Variants in ABL2 observed in about 807,000 individuals in gnomAD.
ABL2 encodes tyrosine-protein kinase ABL2.
Under a neutral mutation model 107.7 loss-of-function variants are expected in ABL2, and 49 were observed. The ratio of observed to expected loss-of-function variants is 0.45; its 90% CI spans 0.36 to 0.58. The LOEUF (loss-of-function observed/expected upper bound fraction) is 0.58, where lower values mean the gene tolerates loss of function less well. Among genes scored for constraint, ABL2 ranks in the 20% least tolerant of loss-of-function variants. The pLI is 0.00. For missense variants in ABL2, 1,245 were observed against 1,457.0 expected (o/e 0.85, Z 2.37); for synonymous variants, 549 against 548.6 (o/e 1.00, Z -0.01).
In ABL2 at chr1:179,130,432, T is replaced by A. The variant is rs116036635; in HGVS notation, c.391+879A>T. Reference sequence around the variant, plus strand: ...CACACTATTTATTACTTAGTTCAGCTAATAGTTTTACCTTTTGGAGCAAGG... The same window carrying A: ...CACACTATTTATTACTTAGTTCAGCAAATAGTTTTACCTTTTGGAGCAAGG... On this transcript the variant is annotated intron_variant, in intron 3 of 11. Transcript: ENST00000502732. Among the ~76,000 whole-genome samples, 336 of 152,356 alleles carry A rather than the reference T, an allele frequency of 2.2e-3. 3 individuals carry two copies. The highest frequency in any genetic ancestry group is 7.5e-3 in the African/African-American group (310 of 41,580).
In ABL2 at chr1:179,108,220, G is replaced by A. The variant is rs1438493053; in HGVS notation, c.3047C>T (p.Ser1016Leu). ...CTTCTTTCCTCCTTCCTGTGTTTCT[G>A]ATGTGGACTGTCCTGCAGTTAGGGC... is the stretch of plus-strand genomic sequence containing the variant. ...PTALTAGQSTSETQEGGKKAA... is the reference protein window; with the variant it reads ...PTALTAGQSTLETQEGGKKAA... Residue 1016 changes from serine to leucine, a missense_variant, in exon 12 of 12, where the codon TCA (serine) becomes TTA (leucine). Ser to Leu is a moderately radical substitution (Grantham distance 145, BLOSUM62 -2). This residue lies in a region of ABL2 where 761 missense variants were observed against 766.4 expected (regional missense o/e 0.99). Transcript: ENST00000502732. 9 of 1,614,124 alleles carry A rather than the reference G, an allele frequency of 5.6e-6. No individual in the cohort carries two copies. The highest frequency in any genetic ancestry group is 7.6e-6 in the Non-Finnish European group (9 of 1,180,038).
chr1:179,217,625 C>CA (rs544339454), intron 1 of ABL2, among the ~76,000 whole-genome samples: 9,114 of 101,980 alleles, frequency 0.089, 361 homozygotes, highest in Non-Finnish European at 0.11. Context: ...GACTCCACCT[C>CA]AAAAAAAAAA....
In ABL2 at chr1:179,126,347, T is replaced by G; in HGVS notation, c.687+30A>C. ...ATTATTTCACAGAGTAGCCAGTCCA[T>G]GCTTAAAGGTGGTGACCAGGGAGTC... is the stretch of plus-strand genomic sequence containing the variant. On this transcript the variant is annotated intron_variant, in intron 4 of 11. Transcript: ENST00000502732. The surrounding 1 kb of genome is among the most constrained non-coding windows in gnomAD (Gnocchi z 4.4). 6.3e-7 allele frequency: 1 copy of G among 1,597,136 alleles called. No individual in the cohort carries two copies.
At chr1:179,198,336 T>C (rs1263376835) in intron 1 of ABL2, among the ~76,000 whole-genome samples, 1 of 152,114 alleles carries the variant, frequency 6.6e-6, no homozygotes, top group Non-Finnish European at 1.5e-5. Flanking sequence ...GAGAGTTGTT[T>C]GTGCTATTCT....
chr1:179,199,792 C>T (rs1346104115), intron 1 of ABL2, among the ~76,000 whole-genome samples: 6 of 138,702 alleles, frequency 4.3e-5, no homozygotes, highest in Non-Finnish European at 4.6e-5. Context: ...AGTGCAGTGG[C>T]AATAATCATG....
intron 1 of ABL2, among the ~76,000 whole-genome samples, chr1:179,174,727 A>T (rs1659934267): frequency 6.6e-6 from 1 of 151,262 alleles, no homozygotes; most frequent in Non-Finnish European, 1.5e-5. Flanking sequence ...TGGGCTGATC[A>T]CTTGAGGTCA....
intron 1 of ABL2, chr1:179,143,160 C>A (rs1196545735): frequency 3.1e-6 from 4 of 1,300,878 alleles, no homozygotes; most frequent in Middle Eastern, 2.1e-4. Context: ...TACTCAGTGG[C>A]CAGAGGGAAC....
Position 179,229,632 on chromosome 1 carries a change from A to ACGCCGCCGCCGCCGCCCCCAACGCCGC in ABL2, c.-236_-235insGCGGCGTTGGGGGCGGCGGCGGCGGCG. 2.2e-6 allele frequency: 1 copy of ACGCCGCCGCCGCCGCCCCCAACGCCGC among 451,262 alleles called. No individual in the cohort carries two copies. 28.0% of individuals were successfully genotyped at this position (451,262 alleles called of 1,614,324 possible). On this transcript the variant is annotated 5_prime_UTR_variant, in exon 1 of 12. Transcript: ENST00000502732. Reference sequence around the variant, plus strand: ...CTCCTGTCGCGGCTCCGCGCCCCCAACGCCGCCGCCGCCGCCGCCGCCACC... The same window carrying ACGCCGCCGCCGCCGCCCCCAACGCCGC: ...CTCCTGTCGCGGCTCCGCGCCCCCAACGCCGCCGCCGCCGCCCCCAACGCCGCCGCCGCCGCCGCCGCCGCCGCCACC...
chr1:179,111,791 C>T (rs1352271224), intron 10 of ABL2, among the ~76,000 whole-genome samples: 1 of 152,172 alleles, frequency 6.6e-6, no homozygotes, highest in African/African-American at 2.4e-5. Context: ...CACATGTAAT[C>T]CCAGCACTTT....
intron 4 of ABL2, among the ~76,000 whole-genome samples, chr1:179,125,067 T>C (rs1395826255): frequency 6.6e-6 from 1 of 152,170 alleles, no homozygotes; most frequent in Non-Finnish European, 1.5e-5. Flanking sequence ...CTAACACTCA[T>C]CTAGAGTAGG....
At chr1:179,114,363 ACG>A (rs1654411485) in intron 9 of ABL2, among the ~76,000 whole-genome samples, 3 of 19,948 alleles carry the variant, frequency 1.5e-4, no homozygotes, top group African/African-American at 5.6e-4. Flanking sequence ...AGCCGAAATC[ACG>A]TCACTGAGCC....
intron 1 of ABL2, among the ~76,000 whole-genome samples, chr1:179,173,883 T>C (rs1479571863): frequency 6.6e-6 from 1 of 152,154 alleles, no homozygotes; most frequent in Non-Finnish European, 1.5e-5. Flanking sequence ...GAACACTGAC[T>C]GGATGTGACT....
rs1473663602 is a variant in ABL2, at chr1:179,108,342, G to C, written c.2925C>G (p.Pro975=). 1 of 1,614,234 alleles carries C rather than the reference G, an allele frequency of 6.2e-7. No individual in the cohort carries two copies. The highest frequency in any genetic ancestry group is 1.7e-5 in the Admixed American group (1 of 60,024). The stretch of plus-strand genomic sequence containing the variant: ...GGGCACACTTTGGTTTTACCCGTCG[G>C]GGTCGGTCCTTGTCTCCAGAGGATG... ...QVTSSGDKDR[P]RRVKPKCAPP... The change falls in exon 12 of 12, where the codon CCC becomes CCG. Residue 975 remains proline (P), a synonymous_variant. Coordinates refer to ENST00000502732, the MANE Select transcript of ABL2 (RefSeq NM_007314.4).
At chr1:179,199,085 C>T (rs967957058) in intron 1 of ABL2, among the ~76,000 whole-genome samples, 2 of 152,018 alleles carry the variant, frequency 1.3e-5, no homozygotes, top group African/African-American at 4.8e-5. Flanking sequence ...TCAGGTGATC[C>T]ACCCGCCTCG....
intron 1 of ABL2, among the ~76,000 whole-genome samples, chr1:179,155,890 T>C (rs1335588411): frequency 6.6e-6 from 1 of 152,080 alleles, no homozygotes; most frequent in African/African-American, 2.4e-5. Flanking sequence ...TTCCCTTTGG[T>C]TTTTCCTCAA....
intron 4 of ABL2, among the ~76,000 whole-genome samples, chr1:179,125,282 G>A (rs996861590): frequency 1.3e-5 from 2 of 152,212 alleles, no homozygotes; most frequent in African/African-American, 2.4e-5. Context: ...TGGTGGTGGT[G>A]TGTGTAGCAG....
At chr1:179,144,300 A>G (rs965647383) in intron 1 of ABL2, among the ~76,000 whole-genome samples, 2 of 151,918 alleles carry the variant, frequency 1.3e-5, no homozygotes, top group Non-Finnish European at 2.9e-5. Context: ...CTCTACAAAA[A>G]ATACAAAAAA....
intron 1 of ABL2, chr1:179,201,761 T>C (rs1472388460): frequency 9.8e-6 from 8 of 818,502 alleles, no homozygotes; most frequent in Middle Eastern, 4.1e-4. Flanking sequence ...TTCCCACCAA[T>C]AGGGAAAATT....
intron 1 of ABL2, among the ~76,000 whole-genome samples, chr1:179,202,800 C>G (rs1172694679): frequency 1.3e-5 from 2 of 152,000 alleles, no homozygotes; most frequent in Non-Finnish European, 1.5e-5. Context: ...AATTGTAAGA[C>G]AAAAGTACTG....
Sources: gnomAD v4.1 joint callset for allele counts (sites outside exome capture counted in the v4.1 genomes callset) on GRCh38, gnomAD v4.1.1 for gene constraint, gnomAD v4.1.1 regional missense constraint, Gnocchi (gnomAD v3.1) non-coding constraint, MANE v1.5 for transcripts, NCBI Gene and HGNC (gene_info 2026-07-23, HGNC 2026-07-21) for gene names.